The following GPC5 variants were observed in gnomAD, a reference collection of about 807,000 sequenced individuals.
GPC5 encodes glypican-5.
Under a neutral mutation model 53.9 loss-of-function variants are expected in GPC5, and 47 were observed. The observed-to-expected ratio is 0.87, with a 90% CI of 0.69 to 1.11. GPC5 has a LOEUF of 1.11. Ranked by LOEUF, GPC5 falls within the 50% of genes most tolerant of loss-of-function variation. The pLI is 0.00. For missense variants in GPC5, 748 were observed against 713.1 expected (o/e 1.05, Z -0.56); for synonymous variants, 286 against 263.3 (o/e 1.09, Z -0.84).
intron 7 of GPC5, among the ~76,000 whole-genome samples, chr13:92,556,965 A>G (rs1442630180): frequency 2.6e-5 from 4 of 151,926 alleles, no homozygotes. Context: ...CCAGCTCTAA[A>G]ACAAGAGAGA....
At chr13:92,761,062 G>A (rs777394516) in intron 7 of GPC5, among the ~76,000 whole-genome samples, 3 of 152,124 alleles carry the variant, frequency 2.0e-5, no homozygotes, top group East Asian at 1.9e-4. Context: ...GTTGTTTTGC[G>A]GCCTACCAAG....
chr13:92,124,767 A>C (rs1026147501), intron 6 of GPC5, among the ~76,000 whole-genome samples: 2 of 152,130 alleles, frequency 1.3e-5, no homozygotes, highest in Non-Finnish European at 2.9e-5. Flanking sequence ...AACTGTAGAG[A>C]CCACTACTCT....
At chr13:91,542,762 C>A (rs923809070) in intron 2 of GPC5, among the ~76,000 whole-genome samples, 5 of 151,980 alleles carry the variant, frequency 3.3e-5, no homozygotes, top group African/African-American at 1.2e-4. Context: ...CAGCTCACTG[C>A]AACCTCTGCC....
chr13:91,418,008 G>C (rs1296097060), intron 1 of GPC5, among the ~76,000 whole-genome samples: 1 of 152,114 alleles, frequency 6.6e-6, no homozygotes, highest in Middle Eastern at 3.2e-3. Flanking sequence ...ATTGCTTGCT[G>C]TTCTGAGTAG....
chr13:91,921,019 C>T (rs550361567), intron 6 of GPC5, among the ~76,000 whole-genome samples: 6 of 137,126 alleles, frequency 4.4e-5, no homozygotes, highest in Non-Finnish European at 7.7e-5. Flanking sequence ...CTCTCTGCAA[C>T]TCTGTCTCCT....
At chr13:91,948,092 G>A (rs2139054724) in intron 6 of GPC5, among the ~76,000 whole-genome samples, 1 of 151,984 alleles carries the variant, frequency 6.6e-6, no homozygotes, top group East Asian at 1.9e-4. Context: ...GCCAGGTGTG[G>A]TGGCGGGCGC....
At chr13:92,634,831 T>C (rs1178698249) in intron 7 of GPC5, among the ~76,000 whole-genome samples, 7 of 152,088 alleles carry the variant, frequency 4.6e-5, no homozygotes, top group Admixed American at 3.9e-4. Context: ...TTTTCTCCGT[T>C]GGTTCTAATG....
chr13:91,831,042 ATTATATATATCCTAT>A (rs1360062105), intron 5 of GPC5, among the ~76,000 whole-genome samples: 3 of 138,498 alleles, frequency 2.2e-5, no homozygotes, highest in Admixed American at 1.6e-4. Flanking sequence ...TATTATATAT[ATTATATATATCCTAT>A]TTATATATAT....
At chr13:91,502,598 C>G (rs1245168861) in intron 2 of GPC5, among the ~76,000 whole-genome samples, 1 of 152,074 alleles carries the variant, frequency 6.6e-6, no homozygotes, top group East Asian at 1.9e-4. Flanking sequence ...ACTGCAGTTT[C>G]AAGATATTTA....
chr13:92,836,989 A>G (rs2138827983), intron 7 of GPC5, among the ~76,000 whole-genome samples: 1 of 152,202 alleles, frequency 6.6e-6, no homozygotes, highest in East Asian at 1.9e-4. Context: ...TATTAAAAGG[A>G]TTCATGAAGT....
At chr13:92,525,424 G>T (rs1239485529) in intron 7 of GPC5, among the ~76,000 whole-genome samples, 4 of 134,644 alleles carry the variant, frequency 3.0e-5, no homozygotes, top group African/African-American at 1.1e-4. Flanking sequence ...TGAATCAGAA[G>T]TAGATAGATT....
chr13:92,801,139 G>A (rs1429366293), intron 7 of GPC5, among the ~76,000 whole-genome samples: 2 of 151,632 alleles, frequency 1.3e-5, no homozygotes, highest in Admixed American at 1.3e-4. Context: ...TAGTGTGTGT[G>A]TGTATAATAT....
At chr13:92,615,716 G>C (rs1884659770) in intron 7 of GPC5, among the ~76,000 whole-genome samples, 1 of 152,036 alleles carries the variant, frequency 6.6e-6, no homozygotes, top group Non-Finnish European at 1.5e-5. Flanking sequence ...GGGTATAAAG[G>C]CTATGAGCAA....
intron 7 of GPC5, among the ~76,000 whole-genome samples, chr13:92,467,092 T>A (rs894689165): frequency 1.1e-4 from 17 of 152,272 alleles, no homozygotes; most frequent in Non-Finnish European, 5.9e-5. Flanking sequence ...CTGTCAATAA[T>A]GCTTTGTGAT....
chr13:91,815,667 C>T (rs1367152968), intron 5 of GPC5, among the ~76,000 whole-genome samples: 5 of 152,148 alleles, frequency 3.3e-5, no homozygotes, highest in South Asian at 2.1e-4. Flanking sequence ...CTCTGCCTCC[C>T]GCTGTGCCTC....
chr13:92,713,815 A>G (rs1888234623), intron 7 of GPC5, among the ~76,000 whole-genome samples: 1 of 152,130 alleles, frequency 6.6e-6, no homozygotes, highest in South Asian at 2.1e-4. Context: ...ACAACACAAA[A>G]TATTGACAGA....
rs144047449 is a variant in GPC5, at chr13:92,530,652, A to G, written c.1562-335630A>G. ...ATAGGCCCAAGGCATTATCTCTAAC[A>G]TTCAAGGTTTCCAATTTAAGTAAAA... On this transcript the variant is annotated intron_variant, in intron 7 of 7. Transcript: ENST00000377067. 4.6e-5 allele frequency among the ~76,000 whole-genome samples: 7 copies of G among 152,254 alleles called. No individual in the cohort carries two copies. The East Asian group carries it at 1.4e-3, about 29-fold the overall frequency.
chr13:92,765,228 G>A (rs1015578643), intron 7 of GPC5, among the ~76,000 whole-genome samples: 21 of 152,134 alleles, frequency 1.4e-4, no homozygotes, highest in South Asian at 2.1e-4. Context: ...ATTGATTTGG[G>A]GCCAGATGCA....
At chr13:92,603,310 T>C (rs2139084406) in intron 7 of GPC5, among the ~76,000 whole-genome samples, 1 of 152,198 alleles carries the variant, frequency 6.6e-6, no homozygotes, top group African/African-American at 2.4e-5. Flanking sequence ...TTTTCCATAT[T>C]CTAAAGCCTA....
Sources: allele counts gnomAD v4.1 joint callset (sites outside exome capture counted in the v4.1 genomes callset), GRCh38; gene constraint gnomAD v4.1.1; transcripts MANE v1.5; gene names NCBI Gene and HGNC (gene_info 2026-07-23, HGNC 2026-07-21).